Variants in FHIT observed in about 807,000 individuals in gnomAD.
FHIT encodes the protein bis(5'-adenosyl)-triphosphatase.
A neutral mutation model predicts 17.9 loss-of-function variants in FHIT; 19 were observed. The ratio of observed to expected loss-of-function variants is 1.06; its 90% confidence interval spans 0.74 to 1.56. The LOEUF (loss-of-function observed/expected upper bound fraction) is 1.56, where lower values mean the gene tolerates loss of function less well. Ranked by LOEUF, FHIT falls within the 40% of genes most tolerant of loss-of-function variation. The pLI, the probability that FHIT is intolerant of heterozygous loss-of-function variation, is 0.00. For missense variants in FHIT, 248 were observed against 189.2 expected (o/e 1.31, Z -1.82); for synonymous variants, 81 against 69.7 (o/e 1.16, Z -0.81).
intron 5 of FHIT, among the ~76,000 whole-genome samples, chr3:60,493,760 G>C (rs1313037920): frequency 6.6e-6 from 1 of 152,134 alleles, no homozygotes; most frequent in Non-Finnish European, 1.5e-5. Flanking sequence ...AGATACGACT[G>C]TGTCTAAAAT....
rs140698363 is a variant in FHIT, at chr3:61,235,226, G to A, written c.-213+16075C>T. On this transcript the variant is annotated intron_variant, in intron 1 of 9. Transcript: ENST00000492590. ...CTATTAGAGCTCAAGCTCCCTAGCC[G>A]GATGGCCTGGGTCCATATCTTAGGC... Among the ~76,000 whole-genome samples, 125 of 152,256 alleles carry A rather than the reference G, an allele frequency of 8.2e-4. 1 individual carries two copies. Among genetic ancestry groups the A allele is most frequent in the Non-Finnish European group, 8.7e-4 (59 of 68,030 alleles).
chr3:60,536,364 CTATAA>C (rs1470682477), intron 5 of FHIT: 1 of 152,154 alleles, frequency 6.6e-6, no homozygotes, highest in Non-Finnish European at 1.5e-5. Flanking sequence ...GTAAGTATAT[CTATAA>C]TATAAATTTA....
intron 4 of FHIT, chr3:60,730,058 C>T (rs782054262): frequency 2.1e-6 from 1 of 478,256 alleles, no homozygotes; most frequent in South Asian, 1.7e-5. Context: ...TTTGAAACAA[C>T]CCTCTGGACT....
chr3:59,955,519 C>T (rs73839796), intron 7 of FHIT, among the ~76,000 whole-genome samples: 1 of 152,166 alleles, frequency 6.6e-6, no homozygotes. Context: ...ACTTTTATAT[C>T]CCTAGCTCCC....
At chr3:60,010,328 T>C (rs1046599746) in intron 7 of FHIT, among the ~76,000 whole-genome samples, 1 of 152,102 alleles carries the variant, frequency 6.6e-6, no homozygotes, top group African/African-American at 2.4e-5. Flanking sequence ...ATTAGGAGGC[T>C]AGCCCTTTTT....
intron 3 of FHIT, among the ~76,000 whole-genome samples, chr3:60,945,650 T>G (rs2107438105): frequency 6.6e-6 from 1 of 152,230 alleles, no homozygotes; most frequent in South Asian, 2.1e-4. Context: ...CGCCTCAGCC[T>G]CCCTATTACA....
In FHIT at chr3:60,215,238, T is replaced by G. The variant is rs562950487; in HGVS notation, c.104-201086A>C. Among the ~76,000 whole-genome samples the G allele has an allele frequency of 1.1e-4, 17 of 152,212 alleles. No homozygotes were observed. The East Asian group carries it at 3.3e-3, about 29-fold the overall frequency. Reference sequence around the variant, plus strand: ...TGGGCCTGGTGGCTCACAGCTGTAATCCCAGCACGTTGGGAGGCCAAGGCA... The same window carrying G: ...TGGGCCTGGTGGCTCACAGCTGTAAGCCCAGCACGTTGGGAGGCCAAGGCA... On this transcript the variant is annotated intron_variant, in intron 5 of 9. Coordinates refer to ENST00000492590, the MANE Select transcript of FHIT (RefSeq NM_002012.4).
At chr3:59,802,328 C>T (rs1010926043) in intron 8 of FHIT, among the ~76,000 whole-genome samples, 6 of 152,142 alleles carry the variant, frequency 3.9e-5, no homozygotes, top group Admixed American at 3.9e-4. Context: ...TATCCTTGGC[C>T]CATTTCTCTT....
intron 5 of FHIT, among the ~76,000 whole-genome samples, chr3:60,072,861 C>A (rs953218115): frequency 6.6e-6 from 1 of 152,196 alleles, no homozygotes; most frequent in Non-Finnish European, 1.5e-5. Flanking sequence ...CTTTTCCCAG[C>A]TACAGCATTC....
intron 5 of FHIT, among the ~76,000 whole-genome samples, chr3:60,050,335 C>T (rs1259721488): frequency 6.6e-6 from 1 of 152,020 alleles, no homozygotes; most frequent in Non-Finnish European, 1.5e-5. Context: ...TCAAGAAATT[C>T]TACCCTAGTA....
intron 4 of FHIT, among the ~76,000 whole-genome samples, chr3:60,739,219 A>G (rs965998736): frequency 6.6e-6 from 1 of 152,184 alleles, no homozygotes; most frequent in Non-Finnish European, 1.5e-5. Flanking sequence ...TTCTTCTAGG[A>G]TGCTGGACAA....
At chr3:60,246,783 A>C (rs1705416979) in intron 5 of FHIT, among the ~76,000 whole-genome samples, 1 of 152,122 alleles carries the variant, frequency 6.6e-6, no homozygotes, top group Non-Finnish European at 1.5e-5. Flanking sequence ...CATTCTCCAC[A>C]CAGTCTACAA....
chr3:60,085,166 T>C (rs997491059), intron 5 of FHIT, among the ~76,000 whole-genome samples: 5 of 152,256 alleles, frequency 3.3e-5, no homozygotes, highest in African/African-American at 1.2e-4. Flanking sequence ...TGGTCTAGAT[T>C]TTACAATGTA....
chr3:61,237,866 T>C (rs1255096178), intron 1 of FHIT, among the ~76,000 whole-genome samples: 1 of 152,210 alleles, frequency 6.6e-6, no homozygotes, highest in Non-Finnish European at 1.5e-5. Context: ...CAGGGTCAGA[T>C]AATGGGCTCT....
chr3:60,704,347 T>C (rs1559653008), intron 4 of FHIT, among the ~76,000 whole-genome samples: 2 of 152,196 alleles, frequency 1.3e-5, no homozygotes, highest in Non-Finnish European at 2.9e-5. Context: ...TTTTTTTAGA[T>C]ACTTGACAAA....
intron 3 of FHIT, among the ~76,000 whole-genome samples, chr3:60,845,132 A>T (rs2106883906): frequency 6.6e-6 from 1 of 152,224 alleles, no homozygotes; most frequent in East Asian, 1.9e-4. Context: ...ATTGTATTTA[A>T]TCAATGTTTA....
intron 5 of FHIT, among the ~76,000 whole-genome samples, chr3:60,126,901 G>C (rs1219046027): frequency 1.3e-5 from 2 of 152,108 alleles, no homozygotes; most frequent in African/African-American, 2.4e-5. Context: ...TCCTCTTTGA[G>C]CTAATACCTG....
chr3:60,128,882 C>G (rs1200781690), intron 5 of FHIT, among the ~76,000 whole-genome samples: 1 of 152,148 alleles, frequency 6.6e-6, no homozygotes, highest in African/African-American at 2.4e-5. Context: ...TAACACAGTT[C>G]TTTGCACATA....
In FHIT at chr3:60,511,441, T is replaced by G. The variant is rs192531631; in HGVS notation, c.103+25419A>C. 5.7e-4 allele frequency among the ~76,000 whole-genome samples: 87 copies of G among 152,278 alleles called. No homozygotes were observed. The East Asian group carries it at 0.016, about 28-fold the overall frequency. On this transcript the variant is annotated intron_variant, in intron 5 of 9. Coordinates refer to ENST00000492590, the MANE Select transcript of FHIT (RefSeq NM_002012.4). The stretch of plus-strand genomic sequence containing the variant: ...ATCTAAGGTATCTCTAAAGACACTT[T>G]CAACTCAGACCATTTATCTTTAATC...
Sources: gnomAD v4.1 joint callset for allele counts (sites outside exome capture counted in the v4.1 genomes callset) on GRCh38, gnomAD v4.1.1 for gene constraint, MANE v1.5 for transcripts, NCBI Gene and HGNC (gene_info 2026-07-23, HGNC 2026-07-21) for gene names.